SEC63: variants seen among roughly 807,000 people sequenced by gnomAD.
The protein encoded by SEC63 is translocation protein SEC63 homolog.
In SEC63, 56 loss-of-function variants were observed where a neutral mutation model predicts 116.2. The observed-to-expected ratio is 0.48, with a 90% CI of 0.39 to 0.60. SEC63 has a LOEUF of 0.60. Among genes scored for constraint, SEC63 ranks in the 20% least tolerant of loss-of-function variants. The pLI, the probability that SEC63 is intolerant of heterozygous loss-of-function variation, is 0.00. For missense variants in SEC63, 668 were observed against 900.0 expected (o/e 0.74, Z 3.30); for synonymous variants, 273 against 294.6 (o/e 0.93, Z 0.75).
chr6:107,927,459 G>C (rs1178846769), intron 2 of SEC63, among the ~76,000 whole-genome samples: 1 of 152,116 alleles, frequency 6.6e-6, no homozygotes, highest in Non-Finnish European at 1.5e-5. Flanking sequence ...GTTTAACTTT[G>C]AAAGAATGCT....
chr6:107,914,435 C>T (rs1469062250), intron 4 of SEC63, among the ~76,000 whole-genome samples: 1 of 152,172 alleles, frequency 6.6e-6, no homozygotes, highest in East Asian at 1.9e-4. Context: ...TGCAGAAATA[C>T]CTTTATAAAA....
chr6:107,910,472 CA>C (rs1787250938), intron 7 of SEC63, among the ~76,000 whole-genome samples: 1 of 151,876 alleles, frequency 6.6e-6, no homozygotes, highest in Non-Finnish European at 1.5e-5. Flanking sequence ...AAATAAATAA[CA>C]AAAATAAAAT....
At chr6:107,955,034 A>G (rs920037318) in intron 1 of SEC63, among the ~76,000 whole-genome samples, 1 of 152,252 alleles carries the variant, frequency 6.6e-6, no homozygotes, top group African/African-American at 2.4e-5. Flanking sequence ...ACTGACACCC[A>G]TAATAGTTCA....
chr6:107,874,328 C>T (rs140536985), intron 19 of SEC63, among the ~76,000 whole-genome samples: 41 of 152,318 alleles, frequency 2.7e-4, no homozygotes, highest in African/African-American at 6.0e-4. Flanking sequence ...GGCACGGTGG[C>T]TCACGCCTGT....
At chr6:107,883,195 A>C (rs145891747) in intron 16 of SEC63, 49 bp from the exon 17 acceptor site, 1 of 1,604,874 alleles carries the variant, frequency 6.2e-7, no homozygotes, top group Non-Finnish European at 8.5e-7. Context: ...CAATGAGAAC[A>C]TATCAATCTG....
At chr6:107,904,538 T>C (rs1320606642) in intron 11 of SEC63, 91 bp downstream of exon 11, 1 of 957,470 alleles carries the variant, frequency 1.0e-6, no homozygotes, top group Non-Finnish European at 1.7e-6. Context: ...CCGACAGAAG[T>C]CTGAGTACCC....
At chr6:107,918,220 T>A (rs1004711751) in intron 4 of SEC63, among the ~76,000 whole-genome samples, 2 of 145,838 alleles carry the variant, frequency 1.4e-5, no homozygotes, top group Non-Finnish European at 3.0e-5. Context: ...TACTGAATAT[T>A]TTAGGCCCAC....
At chr6:107,899,519 C>T (rs1786947967) in intron 13 of SEC63, among the ~76,000 whole-genome samples, 1 of 152,032 alleles carries the variant, frequency 6.6e-6, no homozygotes, top group Admixed American at 6.6e-5. Flanking sequence ...AGTTCGAGAC[C>T]AGCCTGGCCA....
intron 3 of SEC63, among the ~76,000 whole-genome samples, chr6:107,922,982 G>T (rs2114478283): frequency 6.6e-6 from 1 of 150,586 alleles, no homozygotes. Context: ...AATTATCCAG[G>T]CCTCATTTTC....
At chr6:107,951,619 A>C (rs1006596305) in intron 1 of SEC63, among the ~76,000 whole-genome samples, 1 of 152,200 alleles carries the variant, frequency 6.6e-6, no homozygotes, top group African/African-American at 2.4e-5. Context: ...TTTAAAAAAT[A>C]CCAGTACATA....
intron 8 of SEC63, among the ~76,000 whole-genome samples, chr6:107,908,686 C>T (rs571508383): frequency 2.8e-4 from 42 of 152,034 alleles, no homozygotes; most frequent in Admixed American, 5.9e-4. Context: ...AAAATTTGCA[C>T]GCATAAGGAT....
chr6:107,914,257 A>C (rs1250750737), intron 4 of SEC63, among the ~76,000 whole-genome samples: 1 of 152,120 alleles, frequency 6.6e-6, no homozygotes, highest in Non-Finnish European at 1.5e-5. Context: ...CCCCACCAAC[A>C]CACACGCTCA....
chr6:107,929,524 A>C lies in SEC63; in HGVS notation c.125-10T>G, dbSNP rs373388457. 6.8e-6 allele frequency: 10 copies of C among 1,478,632 alleles called. No homozygotes were observed. The highest frequency in any genetic ancestry group is 3.4e-5 in the South Asian group (3 of 88,286). The allele number at this position is 1,478,632 out of a possible 1,614,324, so 91.6% of individuals were successfully genotyped here. Reference sequence around the variant, plus strand: ...TTTAATCGAATTTGCTCTGTCAAGAAAGAAAAATAAGATGAATTAAAAACC... The same window carrying C: ...TTTAATCGAATTTGCTCTGTCAAGACAGAAAAATAAGATGAATTAAAAACC... On this transcript the variant is annotated splice_polypyrimidine_tract_variant and intron_variant, in intron 1 of 20. Transcript: ENST00000369002.
intron 1 of SEC63, among the ~76,000 whole-genome samples, chr6:107,934,054 G>A (rs1787872677): frequency 6.6e-6 from 1 of 152,190 alleles, no homozygotes; most frequent in Admixed American, 6.5e-5. Flanking sequence ...GTGCAGTGGC[G>A]TGATCTTGGC....
intron 19 of SEC63, among the ~76,000 whole-genome samples, chr6:107,874,373 T>A (rs1268166603): frequency 6.6e-6 from 1 of 151,924 alleles, no homozygotes; most frequent in Admixed American, 6.6e-5. Context: ...GGCGGGCGGA[T>A]CACAAGGTCA....
chr6:107,912,942 A>G (rs1394759796), intron 5 of SEC63, among the ~76,000 whole-genome samples, 168 bp from the exon 6 acceptor site: 2 of 152,206 alleles, frequency 1.3e-5, no homozygotes, highest in Non-Finnish European at 2.9e-5. Context: ...ACAAAAGTTC[A>G]GGGATATAGT....
chr6:107,956,162 G>T, intron 1 of SEC63: 1 of 185,906 alleles, frequency 5.4e-6, no homozygotes, highest in East Asian at 1.8e-4. Flanking sequence ...AAAAAATGAT[G>T]GCTAATTTCT....
At chr6:107,940,421 A>C (rs981902811) in intron 1 of SEC63, among the ~76,000 whole-genome samples, 7 of 152,142 alleles carry the variant, frequency 4.6e-5, no homozygotes, top group Non-Finnish European at 7.3e-5. Context: ...AGGGCTTTTC[A>C]ACATCAGCAC....
At position 107,887,691 on chromosome 6, in the gene SEC63, A is replaced by G. The variant is rs541933642; in HGVS notation, c.1675-4545T>C. 2.2e-4 allele frequency among the ~76,000 whole-genome samples: 33 copies of G among 150,574 alleles called. No homozygotes were observed. In the South Asian group the frequency reaches 3.6e-3, roughly 16 times the overall value. On this transcript the variant is annotated intron_variant, in intron 16 of 20. Transcript: ENST00000369002. ...TGCAGCGCACCAGCATGGCACACGT[A>G]TACATATGTAACTAACCCGCACAAT... is the stretch of plus-strand genomic sequence containing the variant.
Sources: allele counts gnomAD v4.1 joint callset (sites outside exome capture counted in the v4.1 genomes callset), GRCh38; gene constraint gnomAD v4.1.1; transcripts MANE v1.5; gene names NCBI Gene and HGNC (gene_info 2026-07-23, HGNC 2026-07-21).